SCIN: variants seen among roughly 807,000 people sequenced by gnomAD.
The protein encoded by SCIN is scinderin, also known as adseverin.
SCIN carries 91 observed loss-of-function variants against 91.8 expected under a neutral mutation model. That is an observed-to-expected ratio of 0.99 (90% CI 0.84 to 1.18). The LOEUF (loss-of-function observed/expected upper bound fraction) is 1.18. SCIN is among the 50% of genes most tolerant of loss of function. The pLI is 0.00. For synonymous variants in SCIN, 367 were observed against 312.6 expected, an observed-to-expected ratio of 1.17 and a Z score of -1.84; for missense variants, 1,087 against 863.9, an observed-to-expected ratio of 1.26 and a Z score of -3.24.
chr7:12,634,866 T>A (rs1337674940), intron 9 of SCIN, among the ~76,000 whole-genome samples: 1 of 152,170 alleles, frequency 6.6e-6, no homozygotes, highest in African/African-American at 2.4e-5. Flanking sequence ...GTTGGAAGTT[T>A]AGCCTCTTGT....
Position 12,636,034 on chromosome 7 carries a change from C to T in SCIN, c.1320-11C>T, listed in dbSNP as rs371461940. The T allele has an allele frequency of 6.2e-7, 1 of 1,606,102 alleles. No homozygotes were observed. The highest frequency in any genetic ancestry group is 8.5e-7 in the Non-Finnish European group (1 of 1,175,136). On this transcript the variant is annotated splice_polypyrimidine_tract_variant and intron_variant, in intron 9 of 15. Transcript: ENST00000297029. ...AAGGCAAGCTAATTCGTTTCACTTTCATTCCTCTAGGCAAGGAGCAAATGC... is the reference window on the plus strand; with the variant it reads ...AAGGCAAGCTAATTCGTTTCACTTTTATTCCTCTAGGCAAGGAGCAAATGC...
In SCIN at chr7:12,614,576, C is replaced by A. The variant is rs575697929; in HGVS notation, c.667-8225C>A. Among the ~76,000 whole-genome samples the A allele has an allele frequency of 2.6e-5, 4 of 152,214 alleles. No homozygotes were observed. In the East Asian group the frequency reaches 7.7e-4, roughly 29 times the overall value. Reference sequence around the variant, plus strand: ...ATCAAGTAGGAGTAAAGTGAGACAACATTTTGTTAACAGGTGTCTTACTAC... The same window carrying A: ...ATCAAGTAGGAGTAAAGTGAGACAAAATTTTGTTAACAGGTGTCTTACTAC... On this transcript the variant is annotated intron_variant, in intron 4 of 15. Coordinates refer to ENST00000297029, the MANE Select transcript of SCIN (RefSeq NM_001112706.3).
At chr7:12,590,287 G>C (rs549954163) in intron 3 of SCIN, among the ~76,000 whole-genome samples, 1 of 152,330 alleles carries the variant, frequency 6.6e-6, no homozygotes, top group South Asian at 2.1e-4. Context: ...TGTGGGTGAA[G>C]TCTATTTGCC....
At chr7:12,621,641 T>G (rs1783410587) in intron 4 of SCIN, among the ~76,000 whole-genome samples, 1 of 146,696 alleles carries the variant, frequency 6.8e-6, no homozygotes, top group Non-Finnish European at 1.5e-5. Context: ...GTTTTAGTTT[T>G]TTTTTTTTTT....
chr7:12,591,459 C>G (rs902936214), intron 3 of SCIN, among the ~76,000 whole-genome samples: 1 of 152,106 alleles, frequency 6.6e-6, no homozygotes, highest in Non-Finnish European at 1.5e-5. Context: ...GAGAGGTAAG[C>G]TACAGGGGCA....
At chr7:12,628,865 A>G (rs1001658424) in intron 8 of SCIN, among the ~76,000 whole-genome samples, 25 of 152,204 alleles carry the variant, frequency 1.6e-4, no homozygotes, top group African/African-American at 4.3e-4. Flanking sequence ...TTATTAATCA[A>G]TGGGCTCGGA....
intron 4 of SCIN, among the ~76,000 whole-genome samples, chr7:12,621,328 T>C (rs938981684): frequency 2.0e-4 from 30 of 152,114 alleles, no homozygotes; most frequent in African/African-American, 7.0e-4. Context: ...TTTTGCTAAA[T>C]CCCTTGGGTT....
intron 11 of SCIN, among the ~76,000 whole-genome samples, chr7:12,642,760 A>G (rs1219357543): frequency 6.6e-6 from 1 of 151,660 alleles, no homozygotes; most frequent in Non-Finnish European, 1.5e-5. Context: ...AGGTGAATGT[A>G]TCCCCACACT....
intron 11 of SCIN, among the ~76,000 whole-genome samples, chr7:12,641,321 C>T (rs1011848936): frequency 6.6e-6 from 1 of 152,180 alleles, no homozygotes; most frequent in African/African-American, 2.4e-5. Flanking sequence ...CCTCTGAGGA[C>T]AGATTCCCTG....
chr7:12,577,895 A>G (rs1782408574), intron 1 of SCIN, 169 bp from the exon 2 acceptor site: 1 of 610,770 alleles, frequency 1.6e-6, no homozygotes. Flanking sequence ...GTTAATTATT[A>G]GCAAAATAAT....
In SCIN at chr7:12,581,172, G is replaced by A. The variant is rs1562595140; in HGVS notation, c.467G>A (p.Ser156Asn). 2 of 1,551,412 alleles carry A rather than the reference G, an allele frequency of 1.3e-6. No individual in the cohort carries two copies. Among genetic ancestry groups the A allele is most frequent in the Admixed American group, 2.0e-5 (1 of 50,984 alleles). The part of the protein sequence containing the change: ...RVVRATEVPL[S>N]WDSFNKGDCF... ...GTGAGAGCCACAGAAGTTCCCCTTA[G>A]CTGGGACAGTTTCAACAAGGGTGAC... The change falls in exon 3 of 16, where the codon AGC (serine) becomes AAC (asparagine). Residue 156 changes from serine (S) to asparagine (N), a missense_variant. Physicochemically the swap from Ser to Asn is conservative, Grantham distance 46. Transcript: ENST00000297029.
At chr7:12,605,587 A>G (rs1341155807) in intron 4 of SCIN, among the ~76,000 whole-genome samples, 1 of 152,206 alleles carries the variant, frequency 6.6e-6, no homozygotes, top group African/African-American at 2.4e-5. Context: ...AGATAAATTT[A>G]TACAATATTT....
intron 4 of SCIN, among the ~76,000 whole-genome samples, chr7:12,607,420 A>C (rs957021662): frequency 1.3e-5 from 2 of 152,222 alleles, no homozygotes; most frequent in African/African-American, 4.8e-5. Flanking sequence ...GTTTCGAAAA[A>C]GAAAGTGTAA....
At chr7:12,607,815 T>C (rs1341391793) in intron 4 of SCIN, among the ~76,000 whole-genome samples, 2 of 152,250 alleles carry the variant, frequency 1.3e-5, no homozygotes, top group East Asian at 3.8e-4. Flanking sequence ...GATTAATTAA[T>C]TGAGCACCTA....
chr7:12,651,181 A>G lies in SCIN; in HGVS notation c.1960-660A>G, dbSNP rs1784071549. Reference sequence around the variant, plus strand: ...GGATTGCAGGATGGCAAAACTGGTTATGGGAGGGAGAGAAGAGGCCTGGCT... The same window carrying G: ...GGATTGCAGGATGGCAAAACTGGTTGTGGGAGGGAGAGAAGAGGCCTGGCT... On this transcript the variant is annotated intron_variant, in intron 14 of 15. Coordinates refer to ENST00000297029, the MANE Select transcript of SCIN (RefSeq NM_001112706.3). This position sits in a 1 kb window ranked among gnomAD's most constrained non-coding sequence, Gnocchi z 5.9. Among the ~76,000 whole-genome samples, 1 of 152,192 alleles carries G rather than the reference A, an allele frequency of 6.6e-6. No individual in the cohort carries two copies. Among genetic ancestry groups the G allele is most frequent in the Non-Finnish European group, 1.5e-5 (1 of 68,018 alleles).
intron 4 of SCIN, among the ~76,000 whole-genome samples, chr7:12,605,202 C>A (rs1325674102): frequency 6.6e-6 from 1 of 152,124 alleles, no homozygotes; most frequent in African/African-American, 2.4e-5. Context: ...CAGGCGCCCA[C>A]CACCATACCT....
Position 12,571,025 on chromosome 7 carries a change from C to A in SCIN, c.199+40C>A, listed in dbSNP as rs762077370. Reference sequence around the variant, plus strand: ...GCGGCGGGACCCCGACGCACCAAGGCCGGCGAGGGGAGGGCGTAGGGGTCT... The same window carrying A: ...GCGGCGGGACCCCGACGCACCAAGGACGGCGAGGGGAGGGCGTAGGGGTCT... On this transcript the variant is annotated intron_variant, in intron 1 of 15. Transcript: ENST00000297029. 7.2e-6 allele frequency: 11 copies of A among 1,528,764 alleles called. No homozygotes were observed. The South Asian group carries it at 1.4e-4, about 19-fold the overall frequency. The allele number at this position is 1,528,764 out of a possible 1,614,324, so 94.7% of individuals were successfully genotyped here. A position where few individuals can be genotyped will look rare whatever the true frequency, so the allele number is the denominator to read the frequency against.
At chr7:12,633,400 T>C (rs1478156324) in intron 9 of SCIN, among the ~76,000 whole-genome samples, 1 of 152,226 alleles carries the variant, frequency 6.6e-6, no homozygotes, top group Non-Finnish European at 1.5e-5. Flanking sequence ...ATTGCTTTTT[T>C]TGTTCAGTAT....
chr7:12,579,621 A>G (rs1488090854), intron 2 of SCIN, among the ~76,000 whole-genome samples: 1 of 152,226 alleles, frequency 6.6e-6, no homozygotes, highest in Non-Finnish European at 1.5e-5. Context: ...AAATTAAATA[A>G]TAAAGTAACT....
Sources: allele counts gnomAD v4.1 joint callset (sites outside exome capture counted in the v4.1 genomes callset), GRCh38; gene constraint gnomAD v4.1.1; non-coding constraint Gnocchi (gnomAD v3.1); transcripts MANE v1.5; gene names NCBI Gene and HGNC (gene_info 2026-07-23, HGNC 2026-07-21).